Variants in AOPEP observed in about 807,000 individuals in gnomAD.
AOPEP encodes aminopeptidase O (putative).
In AOPEP, 77 loss-of-function variants were observed where a neutral mutation model predicts 98.1. The observed-to-expected ratio is 0.78, with a 90% CI of 0.65 to 0.95. The LOEUF (loss-of-function observed/expected upper bound fraction) is 0.95, where lower values mean the gene tolerates loss of function less well. AOPEP is among the 40% of genes least tolerant of loss of function. The pLI, the probability that AOPEP is intolerant of heterozygous loss-of-function variation, is 0.00. For missense variants in AOPEP, 1,024 were observed against 1,024.7 expected, an observed-to-expected ratio of 1.00 and a Z score of 0.01; for synonymous variants, 346 against 365.3, an observed-to-expected ratio of 0.95 and a Z score of 0.60.
At chr9:95,042,577 G>C (rs911140231) in intron 13 of AOPEP, among the ~76,000 whole-genome samples, 7 of 152,100 alleles carry the variant, frequency 4.6e-5, no homozygotes, top group Non-Finnish European at 8.8e-5. Flanking sequence ...CAGGGTGTCC[G>C]CAGCACTTTC....
intron 5 of AOPEP, among the ~76,000 whole-genome samples, chr9:94,808,474 C>T (rs752043331): frequency 1.1e-4 from 17 of 152,210 alleles, no homozygotes; most frequent in Non-Finnish European, 2.2e-4. Context: ...GTACATTGCA[C>T]AAATCCGCCC....
chr9:95,126,924 C>A, the AOPEP span: 1 of 320,502 alleles, frequency 3.1e-6, no homozygotes, highest in African/African-American at 2.1e-5. Flanking sequence ...GCCTGTACTG[C>A]CAGTTCTACT....
intron 5 of AOPEP, among the ~76,000 whole-genome samples, 159 bp from the exon 6 acceptor site, chr9:94,923,827 A>G (rs1247821490): frequency 6.6e-6 from 1 of 152,084 alleles, no homozygotes; most frequent in Non-Finnish European, 1.5e-5. Context: ...CTGCCACTTT[A>G]TTTATGTCTG....
chr9:94,839,305 G>T (rs1042455093), intron 5 of AOPEP, among the ~76,000 whole-genome samples: 37 of 152,050 alleles, frequency 2.4e-4, no homozygotes, highest in Admixed American at 1.8e-3. Flanking sequence ...AGCCAGGTTG[G>T]TCTCGATCTC....
chr9:95,078,411 C>T (rs2069324662), intron 14 of AOPEP, among the ~76,000 whole-genome samples: 1 of 152,222 alleles, frequency 6.6e-6, no homozygotes, highest in South Asian at 2.1e-4. Context: ...TGTATAATGT[C>T]CTCCAAGTTT....
the AOPEP span, among the ~76,000 whole-genome samples, chr9:95,109,268 C>G: frequency 6.6e-6 from 1 of 152,078 alleles, no homozygotes; most frequent in African/African-American, 2.4e-5. Context: ...TAGGATATAC[C>G]ACACTTTATT....
In AOPEP at chr9:94,879,561, A is replaced by T. The variant is rs149856341; in HGVS notation, c.1365-44425A>T. 7.4e-3 allele frequency among the ~76,000 whole-genome samples: 1,130 copies of T among 152,348 alleles called. 15 individuals are homozygous for T. Among genetic ancestry groups the T allele is most frequent in the African/African-American group, 0.026 (1,091 of 41,572 alleles). ...CTGGAGATTTCTCCAGGAATACCCC[A>T]TAAAGGAAAAACATTTTCTAATAAT... On this transcript the variant is annotated intron_variant, in intron 5 of 16. Coordinates refer to ENST00000375315, the MANE Select transcript of AOPEP (RefSeq NM_001193329.3).
chr9:94,933,040 G>GACTC, intron 7 of AOPEP: 4 of 985,412 alleles, frequency 4.1e-6, no homozygotes, highest in Non-Finnish European at 4.8e-6. Context: ...AGACCCCAAG[G>GACTC]ACTCTCCCAG....
At chr9:94,945,258 T>G (rs912587723) in intron 7 of AOPEP, among the ~76,000 whole-genome samples, 1 of 152,222 alleles carries the variant, frequency 6.6e-6, no homozygotes, top group African/African-American at 2.4e-5. Context: ...AATAGAATCC[T>G]GGCTAGTGTT....
chr9:95,067,215 T>C (rs1021118458), intron 14 of AOPEP, among the ~76,000 whole-genome samples: 1 of 152,146 alleles, frequency 6.6e-6, no homozygotes, highest in Admixed American at 6.5e-5. Context: ...ACAGATAGGA[T>C]GTGAGCTTTA....
intron 13 of AOPEP, among the ~76,000 whole-genome samples, chr9:95,050,157 A>G (rs1218083122): frequency 6.6e-6 from 1 of 152,226 alleles, no homozygotes; most frequent in Non-Finnish European, 1.5e-5. Flanking sequence ...TTATTCAGCT[A>G]TTTGTGCAAA....
At chr9:95,014,478 A>G (rs149403805) in intron 13 of AOPEP, among the ~76,000 whole-genome samples, 80 of 152,298 alleles carry the variant, frequency 5.3e-4, no homozygotes, top group Middle Eastern at 3.4e-3. Context: ...TTTCAAAAAA[A>G]AAAAAGAGAA....
chr9:94,792,259 G>A (rs1845891389), intron 3 of AOPEP, among the ~76,000 whole-genome samples: 1 of 152,220 alleles, frequency 6.6e-6, no homozygotes, highest in African/African-American at 2.4e-5. Flanking sequence ...AAACCCAAGT[G>A]TCTCCCTTCC....
intron 14 of AOPEP, among the ~76,000 whole-genome samples, chr9:95,063,687 C>T (rs1587864290): frequency 2.0e-5 from 3 of 152,174 alleles, no homozygotes; most frequent in African/African-American, 7.2e-5. Context: ...ACCCGTTCTT[C>T]CCTTCACTGT....
chr9:94,730,902 C>G (rs1830366523), intron 1 of AOPEP, among the ~76,000 whole-genome samples: 1 of 152,022 alleles, frequency 6.6e-6, no homozygotes, highest in Non-Finnish European at 1.5e-5. Context: ...AATTTATATA[C>G]TAAGTAAAGC....
Position 94,856,067 on chromosome 9 carries a change from T to G in AOPEP, c.1364+55065T>G, listed in dbSNP as rs115466334. On this transcript the variant is annotated intron_variant, in intron 5 of 16. Coordinates refer to ENST00000375315, the MANE Select transcript of AOPEP (RefSeq NM_001193329.3). ...CAAAGCAGCTTTTCCAGGCATCAGC[T>G]CTAGGGTGGAGGCACAGCAGCAGAG... 2.8e-3 allele frequency among the ~76,000 whole-genome samples: 427 copies of G among 152,212 alleles called. 1 individual carries two copies. Among genetic ancestry groups the G allele is most frequent in the African/African-American group, 9.7e-3 (404 of 41,530 alleles).
At chr9:94,798,832 C>CA (rs1210381044) in intron 4 of AOPEP, among the ~76,000 whole-genome samples, 1 of 152,198 alleles carries the variant, frequency 6.6e-6, no homozygotes, top group African/African-American at 2.4e-5. Flanking sequence ...CACATTCATG[C>CA]ACAAGCACAG....
chr9:95,010,833 A>G (rs972226852), intron 13 of AOPEP, among the ~76,000 whole-genome samples: 7 of 152,188 alleles, frequency 4.6e-5, no homozygotes, highest in Admixed American at 2.6e-4. Context: ...AGGCAGAATA[A>G]TTTATTAAAA....
rs531728768 is a variant in AOPEP at position 94,731,503 on chromosome 9, G to A, written c.-136+4752G>A. 3.9e-5 allele frequency among the ~76,000 whole-genome samples: 6 copies of A among 152,314 alleles called. No individual in the cohort carries two copies. The South Asian group carries it at 1.2e-3, about 32-fold the overall frequency. On this transcript the variant is annotated intron_variant, in intron 1 of 16. Transcript: ENST00000375315. ...AGCCTCCCAAAGTGCTGGGATTACA[G>A]GCGTGAGCCACCGTGCCCGGCCCAA...
Sources: gnomAD v4.1 joint callset for allele counts (sites outside exome capture counted in the v4.1 genomes callset) on GRCh38, gnomAD v4.1.1 for gene constraint, MANE v1.5 for transcripts, NCBI Gene and HGNC (gene_info 2026-07-23, HGNC 2026-07-21) for gene names.